LCNL1: variants seen among roughly 807,000 people sequenced by gnomAD.
LCNL1 encodes lipocalin like 1.
Under a neutral mutation model 7.9 loss-of-function variants are expected in LCNL1, and 11 were observed. The observed-to-expected ratio is 1.40, with a 90% CI of 0.88 to 2.32. LCNL1 has a LOEUF of 2.32. LCNL1 is among the 30% of genes most tolerant of loss of function. The pLI is 0.00. For missense variants in LCNL1, 218 were observed against 217.0 expected, an observed-to-expected ratio of 1.00 and a Z score of -0.03; for synonymous variants, 90 against 92.5, an observed-to-expected ratio of 0.97 and a Z score of 0.15.
intron 1 of LCNL1, chr9:136,983,938 C>T: frequency 1.8e-6 from 1 of 547,688 alleles, no homozygotes; most frequent in Non-Finnish European, 3.3e-6. Flanking sequence ...GTCTGCATGT[C>T]TGTGTCTGTG....
chr9:136,985,372 C>A lies in LCNL1; in HGVS notation c.*361C>A. ...TCCCAGGGAAGGGGGCGCGGGGTGG[C>A]GCCTCAGGCTCGATCTCTCTGCAGA... On this transcript the variant is annotated 3_prime_UTR_variant, in exon 3 of 3. Transcript: ENST00000408973. 1 of 258,928 alleles carries A rather than the reference C, an allele frequency of 3.9e-6. No homozygotes were observed. The allele number at this position is 258,928 out of a possible 1,614,324, so 16.0% of individuals were successfully genotyped here.
chr9:136,985,248 C>G lies in LCNL1; in HGVS notation c.*237C>G, dbSNP rs1830488604. On this transcript the variant is annotated 3_prime_UTR_variant, in exon 3 of 3. Transcript: ENST00000408973. ...ATCTCAGATTCGGGACAGAAGTGCC[C>G]GGGGCAGACCCAGCCTGTCTGGGTC... The G allele has an allele frequency of 2.1e-6, 1 of 483,156 alleles. No individual in the cohort carries two copies. Among genetic ancestry groups the G allele is most frequent in the South Asian group, 3.5e-5 (1 of 28,618 alleles). The allele number at this position is 483,156 out of a possible 1,614,324, so 29.9% of individuals were successfully genotyped here. A position where few individuals can be genotyped will look rare whatever the true frequency, so the allele number is the denominator to read the frequency against.
In LCNL1 at chr9:136,983,715, G is replaced by T; in HGVS notation, c.122+7G>T. ...TCAAGTTTGGATACCCCACGTAAGT[G>T]ACCACACGAGCCCATCAGACTCAGC... On this transcript the variant is annotated splice_region_variant and intron_variant, in intron 1 of 2. Transcript: ENST00000408973. The T allele has an allele frequency of 6.2e-7, 1 of 1,612,920 alleles. No homozygotes were observed. Among genetic ancestry groups the T allele is most frequent in the South Asian group, 1.1e-5 (1 of 91,050 alleles).
chr9:136,984,682 G>C, intron 2 of LCNL1, 31 bp from the exon 3 acceptor site: 1 of 1,516,628 alleles, frequency 6.6e-7, no homozygotes, highest in Non-Finnish European at 8.8e-7. Flanking sequence ...AGGTGCCCTG[G>C]GCCTGGGGTC....
At position 136,983,531 on chromosome 9, in the gene LCNL1, G is replaced by A; in HGVS notation, c.-56G>A. 6.2e-7 allele frequency: 1 copy of A among 1,601,810 alleles called. No homozygotes were observed. The highest frequency in any genetic ancestry group is 8.5e-7 in the Non-Finnish European group (1 of 1,170,574). On this transcript the variant is annotated 5_prime_UTR_variant, in exon 1 of 3. Transcript: ENST00000408973. ...GTGGTGGGCTCAGGCCCAGGGCACA[G>A]GGGCGGCCTCCCAGCCTTCCCTGCA... is the stretch of plus-strand genomic sequence containing the variant.
chr9:136,984,973 T>TCTCTCC lies in LCNL1; in HGVS notation c.463_468dup (p.Pro155_Leu156dup). The TCTCTCC allele has an allele frequency of 6.6e-7, 1 of 1,520,834 alleles. No homozygotes were observed. The highest frequency in any genetic ancestry group is 8.9e-7 in the Non-Finnish European group (1 of 1,129,516). 94.2% of individuals were successfully genotyped at this position (1,520,834 alleles called of 1,614,324 possible). On this transcript the variant is annotated inframe_insertion, in exon 3 of 3. Coordinates refer to ENST00000408973, the MANE Select transcript of LCNL1 (RefSeq NM_207510.4). Reference sequence around the variant, plus strand: ...GCGGGTCCCGGCCCCTCCCTGCCCCTCTCTCCCTCTCTTCGCCCCTCCAGC... The same window carrying TCTCTCC: ...GCGGGTCCCGGCCCCTCCCTGCCCCTCTCTCCCTCTCCCTCTCTTCGCCCCTCCAGC...
chr9:136,984,583 A>C lies in LCNL1; in HGVS notation c.196+20A>C. 1 of 1,547,786 alleles carries C rather than the reference A, an allele frequency of 6.5e-7. No homozygotes were observed. The highest frequency in any genetic ancestry group is 8.7e-7 in the Non-Finnish European group (1 of 1,144,960). ...ACCCAGGTGAGGTGGGGCAGCAGGC[A>C]GGGCTGTGGCGTGGGGGCCCTGGAG... On this transcript the variant is annotated intron_variant, in intron 2 of 2. Coordinates refer to ENST00000408973, the MANE Select transcript of LCNL1 (RefSeq NM_207510.4).
chr9:136,984,846 A>C lies in LCNL1; in HGVS notation c.330A>C (p.Arg110Ser). The change falls in exon 3 of 3, where the codon AGA becomes AGC. Residue 110 changes from arginine (R) to serine (S), a missense_variant. Physicochemically the swap from Arg to Ser is moderately radical, Grantham distance 110. Coordinates refer to ENST00000408973, the MANE Select transcript of LCNL1 (RefSeq NM_207510.4). ...ACGGTGGGCGGGCTGCGGGGCGGAGACCCAGACACCCCCGCTTCGGGTCTG... is the reference window on the plus strand; with the variant it reads ...ACGGTGGGCGGGCTGCGGGGCGGAGCCCCAGACACCCCCGCTTCGGGTCTG... ...QLYGGRAAGRRPRHPRFGSGM... is the reference protein window; with the variant it reads ...QLYGGRAAGRSPRHPRFGSGM... 1 of 1,564,628 alleles carries C rather than the reference A, an allele frequency of 6.4e-7. No homozygotes were observed. The highest frequency in any genetic ancestry group is 8.7e-7 in the Non-Finnish European group (1 of 1,154,616).
chr9:136,984,341 C>A (rs78731552), intron 1 of LCNL1, 149 bp from the exon 2 acceptor site: 4 of 694,042 alleles, frequency 5.8e-6, no homozygotes, highest in African/African-American at 5.6e-5. Flanking sequence ...AGGAGTGTCC[C>A]CACCTCTAAG....
chr9:136,984,699 T>TCTCG lies in LCNL1; in HGVS notation c.197-10_197-7dup. On this transcript the variant is annotated splice_polypyrimidine_tract_variant and intron_variant, in intron 2 of 2. Coordinates refer to ENST00000408973, the MANE Select transcript of LCNL1 (RefSeq NM_207510.4). Reference sequence around the variant, plus strand: ...GTGCCCTGGGCCTGGGGTCAGCGGCTCTCGCTCCTCCAGCCATGGCCCTGA... The same window carrying TCTCG: ...GTGCCCTGGGCCTGGGGTCAGCGGCTCTCGCTCGCTCCTCCAGCCATGGCCCTGA... 2 of 1,517,222 alleles carry TCTCG rather than the reference T, an allele frequency of 1.3e-6. No homozygotes were observed. The highest frequency in any genetic ancestry group is 2.6e-5 in the South Asian group (2 of 76,572). The allele number at this position is 1,517,222 out of a possible 1,614,324, so 94.0% of individuals were successfully genotyped here.
In LCNL1 at chr9:136,984,533, G is replaced by A. The variant is rs763060488; in HGVS notation, c.166G>A (p.Gly56Ser). 3.2e-5 allele frequency: 50 copies of A among 1,575,010 alleles called. No homozygotes were observed. The highest frequency in any genetic ancestry group is 4.0e-5 in the Non-Finnish European group (46 of 1,160,494). The stretch of plus-strand genomic sequence containing the variant: ...GAAAATGGACACGACCTTCACCGAG[G>A]GTGCTGTACCGGGGCAGTTCAGCAA... ...CQKMDTTFTE[G>S]AVPGQFSNPA... is the part of the protein sequence containing the mutation. The change falls in exon 2 of 3, where the codon GGT becomes AGT. Residue 56 changes from glycine (G) to serine (S), a missense_variant. Transcript: ENST00000408973.
At chr9:136,983,946 G>C (rs1017414650) in intron 1 of LCNL1, 5 of 541,850 alleles carry the variant, frequency 9.2e-6, no homozygotes, top group Non-Finnish European at 1.7e-5. Flanking sequence ...GTCTGTGTCT[G>C]TGTGTGTATC....
intron 1 of LCNL1, chr9:136,984,136 ATCTC>A (rs528831127): frequency 3.2e-5 from 13 of 404,778 alleles, no homozygotes; most frequent in East Asian, 8.0e-5. Context: ...GTGTGTGTCT[ATCTC>A]TGTGTGTGTC....
At position 136,985,107 on chromosome 9, in the gene LCNL1, C is replaced by A; in HGVS notation, c.*96C>A. 2 of 1,252,936 alleles carry A rather than the reference C, an allele frequency of 1.6e-6. No homozygotes were observed. The highest frequency in any genetic ancestry group is 1.5e-5 in the African/African-American group (1 of 64,984). 77.6% of individuals were successfully genotyped at this position (1,252,936 alleles called of 1,614,324 possible). ...ACTGGCGCCCCAAGTGGGCCTGAGC[C>A]CCAGCCAGGGCGTCCTGCTGCCGAA... On this transcript the variant is annotated 3_prime_UTR_variant, in exon 3 of 3. Coordinates refer to ENST00000408973, the MANE Select transcript of LCNL1 (RefSeq NM_207510.4).
At position 136,985,253 on chromosome 9, in the gene LCNL1, C is replaced by G. The variant is rs1784336077; in HGVS notation, c.*242C>G. The G allele has an allele frequency of 2.1e-6, 1 of 473,454 alleles. No individual in the cohort carries two copies. The highest frequency in any genetic ancestry group is 3.7e-6 in the Non-Finnish European group (1 of 269,358). The allele number at this position is 473,454 out of a possible 1,614,324, so 29.3% of individuals were successfully genotyped here. A position where few individuals can be genotyped will look rare whatever the true frequency, so the allele number is the denominator to read the frequency against. ...AGATTCGGGACAGAAGTGCCCGGGG[C>G]AGACCCAGCCTGTCTGGGTCGGGGG... is the stretch of plus-strand genomic sequence containing the variant. On this transcript the variant is annotated 3_prime_UTR_variant, in exon 3 of 3. Transcript: ENST00000408973.
chr9:136,983,873 A>G (rs1830467921), intron 1 of LCNL1, 165 bp downstream of exon 1: 3 of 856,704 alleles, frequency 3.5e-6, no homozygotes, highest in South Asian at 3.4e-5. Context: ...CACGGAGTCC[A>G]GAGGGACCCA....
At position 136,983,112 on chromosome 9, in the gene LCNL1, C is replaced by T. The variant is rs992499867; in HGVS notation, c.-475C>T. The T allele has an allele frequency of 2.3e-5, 4 of 170,734 alleles. No homozygotes were observed. The highest frequency in any genetic ancestry group is 5.1e-4 in the Middle Eastern group (1 of 1,968). The allele number at this position is 170,734 out of a possible 1,614,324, so 10.6% of individuals were successfully genotyped here. The stretch of plus-strand genomic sequence containing the variant: ...GCTGCACCCCGGGTCCCTGTCCACA[C>T]CCTCTTTGATCCAGGCTCAGCAGGG... On this transcript the variant is annotated 5_prime_UTR_variant, in exon 1 of 3. Coordinates refer to ENST00000408973, the MANE Select transcript of LCNL1 (RefSeq NM_207510.4).
chr9:136,983,681 AC>A lies in LCNL1; in HGVS notation c.97del (p.Leu33TrpfsTer37). ...TTAGTGACCCCCTTGGGGAATGGTG[AC>A]CTGGCCCTCAAGTTTGGATACCCCA... The part of the protein sequence containing the change: ...VVLVTPLGNG[D>X]LALKFGYPTP... On this transcript the variant is annotated frameshift_variant, in exon 1 of 3. Transcript: ENST00000408973. LOFTEE classifies it high-confidence loss of function. 2 of 1,613,924 alleles carry A rather than the reference AC, an allele frequency of 1.2e-6. No individual in the cohort carries two copies. Among genetic ancestry groups the A allele is most frequent in the Non-Finnish European group, 1.7e-6 (2 of 1,179,918 alleles).
Position 136,984,822 on chromosome 9 carries a change from C to A in LCNL1, c.306C>A (p.Tyr102Ter). Residue 102 changes from tyrosine (Y) to a stop codon, truncating the protein, a stop_gained, in exon 3 of 3, where the codon TAC (tyrosine) becomes TAA (stop). Coordinates refer to ENST00000408973, the MANE Select transcript of LCNL1 (RefSeq NM_207510.4). LOFTEE classifies it low-confidence loss of function (END_TRUNC). ...GGLRNQWLQL[Y>*]GGRAAGRRPR... ...TGCGGAACCAGTGGCTGCAGCTCTA[C>A]GGTGGGCGGGCTGCGGGGCGGAGAC... 2 of 1,577,924 alleles carry A rather than the reference C, an allele frequency of 1.3e-6. No homozygotes were observed. The highest frequency in any genetic ancestry group is 1.7e-6 in the Non-Finnish European group (2 of 1,161,588).
Sources: allele counts gnomAD v4.1 joint callset, GRCh38; gene constraint gnomAD v4.1.1; transcripts MANE v1.5; gene names NCBI Gene and HGNC (gene_info 2026-07-23, HGNC 2026-07-21).